NCKAP5: variants seen among roughly 807,000 people sequenced by gnomAD.
NCKAP5 encodes NCK associated protein 5.
A neutral mutation model predicts 167.0 loss-of-function variants in NCKAP5; 92 were observed. The ratio of observed to expected loss-of-function variants is 0.55; its 90% CI spans 0.47 to 0.66. NCKAP5 has a LOEUF of 0.66. NCKAP5 is among the 30% of genes least tolerant of loss of function. The probability of loss-of-function intolerance (pLI) is 0.00; values close to 1 mark genes in which losing one functional copy is unlikely to be tolerated. For missense variants in NCKAP5, 2,378 were observed against 2,315.0 expected (o/e 1.03, Z -0.56); for synonymous variants, 891 against 877.4 (o/e 1.02, Z -0.27).
At chr2:132,974,309 A>G (rs1245301088) in intron 7 of NCKAP5, among the ~76,000 whole-genome samples, 1 of 152,222 alleles carries the variant, frequency 6.6e-6, no homozygotes. Flanking sequence ...AAAAGCTATA[A>G]TTTAGGACTG....
At chr2:133,613,143 A>C in the NCKAP5 span, among the ~76,000 whole-genome samples, 2 of 152,306 alleles carry the variant, frequency 1.3e-5, no homozygotes, top group Non-Finnish European at 2.9e-5. Context: ...TACCCAAAAA[A>C]GTTATTGAAT....
At chr2:132,795,089 G>T (rs1445941633) in intron 12 of NCKAP5, among the ~76,000 whole-genome samples, 1 of 152,156 alleles carries the variant, frequency 6.6e-6, no homozygotes, top group Non-Finnish European at 1.5e-5. Context: ...AAATAGAAAA[G>T]AAATATCATT....
intron 8 of NCKAP5, among the ~76,000 whole-genome samples, chr2:132,963,478 G>A (rs551257674): frequency 6.6e-6 from 1 of 152,242 alleles, no homozygotes; most frequent in South Asian, 2.1e-4. Flanking sequence ...CAGTTTGAGG[G>A]CTGAATTTAA....
chr2:133,096,961 G>T (rs989342002), intron 6 of NCKAP5, among the ~76,000 whole-genome samples: 2 of 152,172 alleles, frequency 1.3e-5, no homozygotes, highest in African/African-American at 4.8e-5. Flanking sequence ...ATACTTATGT[G>T]AGGTCTATTG....
rs528801775 is a variant in NCKAP5 at position 133,476,051 on chromosome 2, C to A, written c.69+41407G>T. 1.8e-3 allele frequency among the ~76,000 whole-genome samples: 276 copies of A among 152,322 alleles called. 1 individual carries two copies. The highest frequency in any genetic ancestry group is 5.8e-3 in the African/African-American group (241 of 41,572). ...AACCAGAAGATTCTTCCTTATCCTCCATCCATGTCTCTTTTTTATTCCTGA... is the reference window on the plus strand; with the variant it reads ...AACCAGAAGATTCTTCCTTATCCTCAATCCATGTCTCTTTTTTATTCCTGA... On this transcript the variant is annotated intron_variant, in intron 3 of 19. Transcript: ENST00000409261.
chr2:133,026,035 T>C lies in NCKAP5; in HGVS notation c.342-31796A>G, dbSNP rs565564102. On this transcript the variant is annotated intron_variant, in intron 6 of 19. Coordinates refer to ENST00000409261, the MANE Select transcript of NCKAP5 (RefSeq NM_207363.3). ...TGTTTCTTGGCTTTTTAATACCTGC[T>C]ATTCTGACTGGTGTGAGATGGTATC... is the stretch of plus-strand genomic sequence containing the variant. Among the ~76,000 whole-genome samples, 9 of 152,228 alleles carry C rather than the reference T, an allele frequency of 5.9e-5. No individual in the cohort carries two copies. In the East Asian group the frequency reaches 1.7e-3, roughly 29 times the overall value.
chr2:132,778,260 T>C (rs1390270675), intron 15 of NCKAP5, among the ~76,000 whole-genome samples: 1 of 152,038 alleles, frequency 6.6e-6, no homozygotes, highest in Non-Finnish European at 1.5e-5. Flanking sequence ...AAGTGGTCTA[T>C]AAACAATGGC....
intron 11 of NCKAP5, among the ~76,000 whole-genome samples, chr2:132,831,464 G>T (rs1687519852): frequency 6.6e-6 from 1 of 152,106 alleles, no homozygotes; most frequent in East Asian, 1.9e-4. Context: ...AATGTTGTTT[G>T]ATTGCTGTTT....
chr2:133,597,676 A>G, the NCKAP5 span, among the ~76,000 whole-genome samples: 18 of 80,104 alleles, frequency 2.2e-4, no homozygotes, highest in Non-Finnish European at 3.6e-4. Flanking sequence ...TCTGTCTCAA[A>G]AAAAAAAAAA....
chr2:133,407,807 C>A (rs1688531432), intron 3 of NCKAP5, among the ~76,000 whole-genome samples: 1 of 152,182 alleles, frequency 6.6e-6, no homozygotes. Context: ...TATCAGTAAA[C>A]AAACATCTTG....
the NCKAP5 span, among the ~76,000 whole-genome samples, chr2:133,586,553 TCTC>T: frequency 8.5e-5 from 13 of 152,304 alleles, no homozygotes; most frequent in East Asian, 1.2e-3. Flanking sequence ...ACCAATGGGT[TCTC>T]CTCCAACAAA....
At chr2:133,130,943 C>A (rs2082581131) in intron 5 of NCKAP5, among the ~76,000 whole-genome samples, 1 of 152,148 alleles carries the variant, frequency 6.6e-6, no homozygotes, top group Admixed American at 6.5e-5. Context: ...AGGATATACA[C>A]TCTATGATGA....
At chr2:133,086,085 G>A (rs1011179164) in intron 6 of NCKAP5, among the ~76,000 whole-genome samples, 2 of 152,156 alleles carry the variant, frequency 1.3e-5, no homozygotes, top group Non-Finnish European at 2.9e-5. Context: ...TCAGTTCACA[G>A]CTCTAACTCA....
chr2:133,021,800 T>C lies in NCKAP5; in HGVS notation c.342-27561A>G, dbSNP rs145900721. On this transcript the variant is annotated intron_variant, in intron 6 of 19. Transcript: ENST00000409261. The stretch of plus-strand genomic sequence containing the variant: ...TACATGCCACCACGCCTGGCTAATT[T>C]TTTGTATTTTAGTAGAGACGAGGTT... Among the ~76,000 whole-genome samples the C allele has an allele frequency of 2.9e-3, 441 of 152,222 alleles. 3 individuals are homozygous for C. The highest frequency in any genetic ancestry group is 6.7e-3 in the Admixed American group (102 of 15,288).
At chr2:133,414,770 C>T (rs1168991048) in intron 3 of NCKAP5, among the ~76,000 whole-genome samples, 1 of 152,092 alleles carries the variant, frequency 6.6e-6, no homozygotes, top group Admixed American at 6.5e-5. Context: ...TTAGATTTTC[C>T]TCCCAAGGAG....
chr2:133,402,571 G>A (rs1331149877), intron 3 of NCKAP5, among the ~76,000 whole-genome samples: 4 of 152,136 alleles, frequency 2.6e-5, no homozygotes, highest in South Asian at 2.1e-4. Context: ...GGAGGTGTTC[G>A]TGGGCCTGGA....
the NCKAP5 span, among the ~76,000 whole-genome samples, chr2:133,663,045 T>G: frequency 6.6e-6 from 1 of 152,066 alleles, no homozygotes; most frequent in Non-Finnish European, 1.5e-5. Context: ...GGCGGGTGGA[T>G]CATGAGGTCA....
chr2:133,014,426 A>T (rs2078265290), intron 6 of NCKAP5, among the ~76,000 whole-genome samples: 1 of 152,250 alleles, frequency 6.6e-6, no homozygotes, highest in Admixed American at 6.5e-5. Context: ...CTCCATCTCC[A>T]AATGGATTCC....
intron 6 of NCKAP5, among the ~76,000 whole-genome samples, chr2:133,034,873 C>T (rs994062717): frequency 3.3e-5 from 5 of 151,754 alleles, no homozygotes; most frequent in African/African-American, 9.7e-5. Context: ...CATAAAACAA[C>T]CAGATAACAA....
Sources: gnomAD v4.1 joint callset for allele counts (sites outside exome capture counted in the v4.1 genomes callset) on GRCh38, gnomAD v4.1.1 for gene constraint, MANE v1.5 for transcripts, NCBI Gene and HGNC (gene_info 2026-07-23, HGNC 2026-07-21) for gene names.